The following SFXN5 variants were observed in gnomAD, a reference collection of about 807,000 sequenced individuals.
SFXN5 encodes sideroflexin 5.
In SFXN5, 43 loss-of-function variants were observed where a neutral mutation model predicts 50.2. That is an observed-to-expected ratio of 0.86 (90% CI 0.67 to 1.11). SFXN5 has a LOEUF of 1.11. SFXN5 is among the 50% of genes least tolerant of loss of function. The probability of loss-of-function intolerance (pLI) is 0.00; values close to 1 mark genes in which losing one functional copy is unlikely to be tolerated. For synonymous variants in SFXN5, 203 were observed against 185.8 expected (o/e 1.09, Z -0.75); for missense variants, 463 against 454.1 (o/e 1.02, Z -0.18).
At chr2:73,023,692 G>A (rs114173086) in intron 3 of SFXN5, among the ~76,000 whole-genome samples, 343 of 152,290 alleles carry the variant, frequency 2.3e-3, no homozygotes, top group Non-Finnish European at 4.1e-3. Flanking sequence ...CTCATCTGTG[G>A]AATGGGCATG....
At chr2:72,946,643 C>G (rs1222888769) in intron 13 of SFXN5, among the ~76,000 whole-genome samples, 1 of 152,172 alleles carries the variant, frequency 6.6e-6, no homozygotes, top group African/African-American at 2.4e-5. Context: ...CCTGCCCTCT[C>G]CCCTGGCCCC....
At chr2:73,043,973 C>A (rs932878573) in intron 2 of SFXN5, among the ~76,000 whole-genome samples, 9 of 152,166 alleles carry the variant, frequency 5.9e-5, no homozygotes, top group South Asian at 2.1e-4. Flanking sequence ...CCACCACACA[C>A]CCCCTCAATG....
At chr2:72,964,181 C>T (rs1674100235) in intron 12 of SFXN5, among the ~76,000 whole-genome samples, 1 of 152,246 alleles carries the variant, frequency 6.6e-6, no homozygotes. Context: ...CCCCTCATTG[C>T]TGTGCATTCC....
chr2:72,943,186 C>CA lies in SFXN5; in HGVS notation c.*1835dup, dbSNP rs1426901840. The CA allele has an allele frequency of 6.6e-6, 1 of 152,224 alleles. No homozygotes were observed. Among genetic ancestry groups the CA allele is most frequent in the Non-Finnish European group, 1.5e-5 (1 of 68,050 alleles). 9.4% of individuals were successfully genotyped at this position (152,224 alleles called of 1,614,324 possible). A position where few individuals can be genotyped will look rare whatever the true frequency, so the allele number is the denominator to read the frequency against. ...CAGGAGAGTGGCAGGCCCCTCAGGG[C>CA]AATGTGCTGCAGAGCCAGCTGGTGG... On this transcript the variant is annotated 3_prime_UTR_variant, in exon 14 of 14. Transcript: ENST00000272433.
chr2:73,042,263 T>C (rs1260395386), intron 2 of SFXN5, among the ~76,000 whole-genome samples: 5 of 152,174 alleles, frequency 3.3e-5, no homozygotes, highest in African/African-American at 4.8e-5. Context: ...TAATTCATTG[T>C]AGAATGGATA....
rs529036019 is a variant in SFXN5, at chr2:72,988,358, A to G, written c.535-10T>C. 4.0e-5 allele frequency: 65 copies of G among 1,611,990 alleles called. No homozygotes were observed. In the East Asian group the frequency reaches 9.1e-4, roughly 23 times the overall value. Reference sequence around the variant, plus strand: ...GGACATTAAGGCCCACCTTTGAAAGAAAAAAATAAAAACACAGAAAAAGTA... The same window carrying G: ...GGACATTAAGGCCCACCTTTGAAAGGAAAAAATAAAAACACAGAAAAAGTA... On this transcript the variant is annotated splice_polypyrimidine_tract_variant and intron_variant, in intron 9 of 13. Coordinates refer to ENST00000272433, the MANE Select transcript of SFXN5 (RefSeq NM_144579.3).
intron 13 of SFXN5, among the ~76,000 whole-genome samples, chr2:72,955,553 G>A (rs1673001757): frequency 6.6e-6 from 1 of 152,244 alleles, no homozygotes; most frequent in South Asian, 2.1e-4. Context: ...AGGCAGGGAT[G>A]TGGGGAGGGG....
chr2:73,050,388 G>GCGCGCACACACACACA, intron 2 of SFXN5, among the ~76,000 whole-genome samples: 5,199 of 143,830 alleles, frequency 0.036, 186 homozygotes, highest in African/African-American at 0.084. Context: ...CAGCCACAGC[G>GCGCGCACACACACACA]CACGCACACA....
chr2:72,995,869 C>G (rs1188637688), intron 9 of SFXN5, among the ~76,000 whole-genome samples: 1 of 152,166 alleles, frequency 6.6e-6, no homozygotes, highest in Non-Finnish European at 1.5e-5. Context: ...GCCGATTTTC[C>G]AAGTCAGAAA....
intron 1 of SFXN5, among the ~76,000 whole-genome samples, chr2:73,062,758 G>A (rs13400948): frequency 0.3 from 45,250 of 152,084 alleles, 8,999 homozygotes; most frequent in East Asian, 0.55. Flanking sequence ...GAAGCATCGC[G>A]AAGTATACTG....
At chr2:72,995,288 A>G (rs1386501692) in intron 9 of SFXN5, among the ~76,000 whole-genome samples, 3 of 152,272 alleles carry the variant, frequency 2.0e-5, no homozygotes, top group African/African-American at 7.2e-5. Flanking sequence ...GTTAAAAGAC[A>G]GCAAACTGTT....
intron 12 of SFXN5, 107 bp downstream of exon 12, chr2:72,968,341 G>A (rs1339673234): frequency 1.0e-6 from 1 of 970,862 alleles, no homozygotes; most frequent in Non-Finnish European, 1.6e-6. Flanking sequence ...ACAAACTGGG[G>A]TGGGCTTCCT....
intron 2 of SFXN5, among the ~76,000 whole-genome samples, chr2:73,048,678 C>CA (rs962935604): frequency 9.2e-5 from 14 of 152,210 alleles, no homozygotes; most frequent in African/African-American, 1.9e-4. Context: ...CACACAACGT[C>CA]AGTTTCTTTT....
At chr2:73,000,869 C>T (rs567901736) in intron 7 of SFXN5, among the ~76,000 whole-genome samples, 2 of 152,342 alleles carry the variant, frequency 1.3e-5, no homozygotes, top group East Asian at 1.9e-4. Context: ...GAATGACTGA[C>T]AGCCCTACAA....
At chr2:73,047,365 A>G (rs1349551976) in intron 2 of SFXN5, among the ~76,000 whole-genome samples, 9 of 143,458 alleles carry the variant, frequency 6.3e-5, no homozygotes, top group Non-Finnish European at 4.5e-5. Flanking sequence ...GTATATATGT[A>G]TATATATGTA....
At chr2:72,955,890 C>CCCAGCA (rs1673036973) in intron 13 of SFXN5, among the ~76,000 whole-genome samples, 1 of 152,260 alleles carries the variant, frequency 6.6e-6, no homozygotes, top group Non-Finnish European at 1.5e-5. Flanking sequence ...AAGGGAGGCA[C>CCCAGCA]CCAGCACCAG....
intron 13 of SFXN5, among the ~76,000 whole-genome samples, chr2:72,952,132 T>C (rs151115024): frequency 1.8e-3 from 274 of 152,326 alleles, no homozygotes; most frequent in African/African-American, 6.4e-3. Flanking sequence ...ACCTTCTCAG[T>C]GAAAGAACCC....
At position 73,038,360 on chromosome 2, in the gene SFXN5, C is replaced by T. The variant is rs144798227; in HGVS notation, c.249+2494G>A. 2.6e-5 allele frequency among the ~76,000 whole-genome samples: 4 copies of T among 152,308 alleles called. No individual in the cohort carries two copies. The East Asian group carries it at 7.7e-4, about 29-fold the overall frequency. On this transcript the variant is annotated intron_variant, in intron 3 of 13. Coordinates refer to ENST00000272433, the MANE Select transcript of SFXN5 (RefSeq NM_144579.3). ...GGGCACTTACCATGAATGGAGCTTG[C>T]AGGACTGGCAGTTGCTGTGGTGAGT...
At chr2:73,035,893 A>T (rs949367221) in intron 3 of SFXN5, among the ~76,000 whole-genome samples, 1 of 152,176 alleles carries the variant, frequency 6.6e-6, no homozygotes, top group Non-Finnish European at 1.5e-5. Flanking sequence ...GAGCAAACAA[A>T]CAATCAATAC....
Sources: gnomAD v4.1 joint callset for allele counts (sites outside exome capture counted in the v4.1 genomes callset) on GRCh38, gnomAD v4.1.1 for gene constraint, MANE v1.5 for transcripts, NCBI Gene and HGNC (gene_info 2026-07-23, HGNC 2026-07-21) for gene names.